CLVS1: variants seen among roughly 807,000 people sequenced by gnomAD.
CLVS1 encodes the protein clavesin 1.
Under a neutral mutation model 33.1 loss-of-function variants are expected in CLVS1, and 10 were observed. That is an observed-to-expected ratio of 0.30 (90% CI 0.19 to 0.51). The LOEUF is 0.51. CLVS1 is among the 20% of genes least tolerant of loss of function. CLVS1 has a pLI of 0.97. For missense variants in CLVS1, 343 were observed against 433.4 expected (o/e 0.79, Z 1.85); for synonymous variants, 163 against 166.1 (o/e 0.98, Z 0.14).
chr8:61,429,706 C>T (rs1416256031), intron 3 of CLVS1, among the ~76,000 whole-genome samples: 1 of 152,132 alleles, frequency 6.6e-6, no homozygotes, highest in African/African-American at 2.4e-5. Context: ...ATAGCTAATA[C>T]TTAAAGCCTC....
At chr8:61,168,822 A>T (rs1008148213) in intron 2 of CLVS1, among the ~76,000 whole-genome samples, 6 of 152,236 alleles carry the variant, frequency 3.9e-5, no homozygotes, top group Admixed American at 6.5e-5. Flanking sequence ...ACTCTGTCAG[A>T]TTGCTACTGC....
intron 1 of CLVS1, among the ~76,000 whole-genome samples, chr8:61,130,726 T>A (rs1281681309): frequency 6.6e-6 from 1 of 152,230 alleles, no homozygotes; most frequent in Non-Finnish European, 1.5e-5. Flanking sequence ...TCCAGTCACA[T>A]GTTTGAAATG....
At chr8:61,097,025 A>G (rs1463607786) in intron 1 of CLVS1, among the ~76,000 whole-genome samples, 1 of 152,164 alleles carries the variant, frequency 6.6e-6, no homozygotes. Context: ...AGTAGCAAAA[A>G]GAGCACTTTA....
the CLVS1 span, among the ~76,000 whole-genome samples, chr8:60,995,990 T>C: frequency 3.3e-5 from 5 of 151,964 alleles, no homozygotes; most frequent in Admixed American, 6.6e-5. Flanking sequence ...GGAAGGGGAA[T>C]ATCACACTCT....
rs962878787 is a variant in CLVS1 at position 61,272,608 on chromosome 8, C to A, written c.-151-27069C>A. On this transcript the variant is annotated intron_variant, in intron 2 of 2. Transcript: ENST00000522621. Reference sequence around the variant, plus strand: ...GAGTGCTTTCCAACTTGGTTCCATTCTCCCCATCACTTTCAGGTACACCAA... The same window carrying A: ...GAGTGCTTTCCAACTTGGTTCCATTATCCCCATCACTTTCAGGTACACCAA... Among the ~76,000 whole-genome samples the A allele has an allele frequency of 2.0e-5, 3 of 152,228 alleles. No homozygotes were observed. The South Asian group carries it at 6.2e-4, about 32-fold the overall frequency.
At chr8:61,046,475 C>A in the CLVS1 span, among the ~76,000 whole-genome samples, 2 of 147,254 alleles carry the variant, frequency 1.4e-5, no homozygotes, top group East Asian at 3.9e-4. Flanking sequence ...GATGCAGGCT[C>A]TTTTTTGGTT....
chr8:61,021,079 C>A, the CLVS1 span, among the ~76,000 whole-genome samples: 237 of 152,288 alleles, frequency 1.6e-3, 1 homozygote, highest in Non-Finnish European at 2.8e-3. Context: ...TTGCTTCCCC[C>A]CTTTAAAAAA....
intron 1 of CLVS1, among the ~76,000 whole-genome samples, chr8:61,127,510 G>A (rs1023409871): frequency 2.6e-5 from 4 of 152,018 alleles, no homozygotes; most frequent in African/African-American, 9.7e-5. Context: ...ATGAGCCACT[G>A]GTGCCCAGCC....
rs575149914 is a variant in CLVS1, at chr8:61,130,464, G to A, written c.-242-1306G>A. ...CAAAATGAATGAATGGATATATAAC[G>A]AATTAGTTCACCTATCTGTCATCAC... On this transcript the variant is annotated intron_variant, in intron 1 of 2. Transcript: ENST00000522621. Among the ~76,000 whole-genome samples, 8 of 152,080 alleles carry A rather than the reference G, an allele frequency of 5.3e-5. No homozygotes were observed. The South Asian group carries it at 1.5e-3, about 28-fold the overall frequency.
At chr8:61,220,489 G>A (rs1406479171) in intron 2 of CLVS1, among the ~76,000 whole-genome samples, 1 of 152,060 alleles carries the variant, frequency 6.6e-6, no homozygotes, top group Non-Finnish European at 1.5e-5. Context: ...TGTTATTTCT[G>A]AGGTCTCTGT....
intron 5 of CLVS1, among the ~76,000 whole-genome samples, chr8:61,478,627 C>A (rs890154981): frequency 4.6e-5 from 7 of 152,142 alleles, no homozygotes; most frequent in Non-Finnish European, 1.0e-4. Context: ...TTATCAGAGA[C>A]TAGGATTGCA....
the CLVS1 span, among the ~76,000 whole-genome samples, chr8:61,031,842 T>C: frequency 6.6e-6 from 1 of 152,102 alleles, no homozygotes; most frequent in Non-Finnish European, 1.5e-5. Flanking sequence ...CAAATTGGCA[T>C]ATGTTTTAAA....
At chr8:61,392,079 G>A (rs954182364) in intron 3 of CLVS1, among the ~76,000 whole-genome samples, 1 of 152,098 alleles carries the variant, frequency 6.6e-6, no homozygotes, top group Non-Finnish European at 1.5e-5. Context: ...CATACATAGG[G>A]AAAATAATCA....
chr8:61,443,964 C>T (rs186137292), intron 3 of CLVS1, among the ~76,000 whole-genome samples: 1 of 152,120 alleles, frequency 6.6e-6, no homozygotes, highest in East Asian at 1.9e-4. Flanking sequence ...GTTAGATTTA[C>T]ACTTAAGTAT....
At chr8:61,436,942 G>C (rs1324066481) in intron 3 of CLVS1, among the ~76,000 whole-genome samples, 1 of 152,194 alleles carries the variant, frequency 6.6e-6, no homozygotes, top group Non-Finnish European at 1.5e-5. Flanking sequence ...CCAGATGCTT[G>C]AGGTTTAAAT....
chr8:61,212,942 C>T (rs1173984545), intron 2 of CLVS1, among the ~76,000 whole-genome samples: 2 of 152,124 alleles, frequency 1.3e-5, no homozygotes, highest in African/African-American at 4.8e-5. Context: ...CTTGGAAACA[C>T]CTGCTTAAGA....
chr8:61,020,286 C>T, the CLVS1 span, among the ~76,000 whole-genome samples: 1 of 152,230 alleles, frequency 6.6e-6, no homozygotes, highest in South Asian at 2.1e-4. Context: ...CTTGGAATCT[C>T]TTCCCTTTTT....
At chr8:61,426,518 G>T (rs1335369000) in intron 3 of CLVS1, among the ~76,000 whole-genome samples, 1 of 152,158 alleles carries the variant, frequency 6.6e-6, no homozygotes, top group African/African-American at 2.4e-5. Context: ...AGTTGGTTTA[G>T]TTGTCAGTAG....
the CLVS1 span, among the ~76,000 whole-genome samples, chr8:61,028,229 A>T: frequency 1.3e-5 from 2 of 152,250 alleles, no homozygotes; most frequent in Admixed American, 1.3e-4. Context: ...CTGTGAATGC[A>T]CATATTAGAA....
Sources: allele counts gnomAD v4.1 joint callset (sites outside exome capture counted in the v4.1 genomes callset), GRCh38; gene constraint gnomAD v4.1.1; transcripts MANE v1.5; gene names NCBI Gene and HGNC (gene_info 2026-07-23, HGNC 2026-07-21).